PHLPP1: variants seen among roughly 807,000 people sequenced by gnomAD.
The protein encoded by PHLPP1 is PH domain leucine-rich repeat-containing protein phosphatase 1.
In PHLPP1, 42 loss-of-function variants were observed where a neutral mutation model predicts 117.2. The observed-to-expected ratio is 0.36, with a 90% CI of 0.28 to 0.46. The LOEUF (loss-of-function observed/expected upper bound fraction) is 0.46, where lower values mean the gene tolerates loss of function less well. PHLPP1 is among the 20% of genes least tolerant of loss of function. The pLI is 1.00. For missense variants in PHLPP1, 2,084 were observed against 2,241.9 expected, an observed-to-expected ratio of 0.93 and a Z score of 1.42; for synonymous variants, 1,042 against 970.7, an observed-to-expected ratio of 1.07 and a Z score of -1.37.
At chr18:62,785,413 C>T (rs1913251527) in intron 1 of PHLPP1, among the ~76,000 whole-genome samples, 1 of 152,066 alleles carries the variant, frequency 6.6e-6, no homozygotes, top group Non-Finnish European at 1.5e-5. Flanking sequence ...CAAAGCAGTA[C>T]CTTGGGACTG....
chr18:62,924,784 G>A (rs998508096), intron 10 of PHLPP1, among the ~76,000 whole-genome samples: 1 of 149,194 alleles, frequency 6.7e-6, no homozygotes, highest in Non-Finnish European at 1.5e-5. Flanking sequence ...GCTGCCGTGA[G>A]CTCTGATCAC....
chr18:62,944,356 A>G (rs574893535), intron 11 of PHLPP1, among the ~76,000 whole-genome samples: 1 of 152,360 alleles, frequency 6.6e-6, no homozygotes, highest in South Asian at 2.1e-4. Flanking sequence ...TATTGTAATT[A>G]TTGATGAAGA....
intron 1 of PHLPP1, among the ~76,000 whole-genome samples, chr18:62,791,329 G>A (rs1243666262): frequency 6.6e-6 from 1 of 152,106 alleles, no homozygotes; most frequent in Non-Finnish European, 1.5e-5. Context: ...TGACAGCACT[G>A]TGTAGCCACA....
intron 3 of PHLPP1, chr18:62,839,430 C>CTTT (rs1197921582): frequency 6.6e-6 from 1 of 152,580 alleles, no homozygotes; most frequent in African/African-American, 2.4e-5. Flanking sequence ...ATATATAGTA[C>CTTT]TTTTGGCCAG....
At chr18:62,926,323 TC>T (rs2144433403) in intron 10 of PHLPP1, among the ~76,000 whole-genome samples, 1 of 152,236 alleles carries the variant, frequency 6.6e-6, no homozygotes. Flanking sequence ...GGTGGCAAAC[TC>T]CATTTTTCTT....
intron 1 of PHLPP1, among the ~76,000 whole-genome samples, chr18:62,789,506 T>C (rs1222876390): frequency 1.3e-5 from 2 of 152,150 alleles, no homozygotes; most frequent in African/African-American, 4.8e-5. Flanking sequence ...TTTAAAAATA[T>C]TGTTTGCAGA....
intron 1 of PHLPP1, among the ~76,000 whole-genome samples, chr18:62,824,837 A>T (rs1848041657): frequency 6.6e-6 from 1 of 152,156 alleles, no homozygotes; most frequent in African/African-American, 2.4e-5. Context: ...AGGCACACAA[A>T]GTATATTGCT....
chr18:62,768,002 A>G (rs1912610040), intron 1 of PHLPP1, among the ~76,000 whole-genome samples: 1 of 152,236 alleles, frequency 6.6e-6, no homozygotes, highest in Non-Finnish European at 1.5e-5. Flanking sequence ...CGTGAGGCTC[A>G]AGTCATCTTA....
intron 10 of PHLPP1, among the ~76,000 whole-genome samples, chr18:62,935,005 C>T (rs1909928527): frequency 6.6e-6 from 1 of 152,170 alleles, no homozygotes; most frequent in East Asian, 1.9e-4. Flanking sequence ...CACTCTTATT[C>T]AATATTATAT....
intron 1 of PHLPP1, among the ~76,000 whole-genome samples, chr18:62,764,426 A>G (rs942306651): frequency 1.3e-5 from 2 of 151,892 alleles, no homozygotes; most frequent in Non-Finnish European, 2.9e-5. Context: ...TGGGGATGAA[A>G]TGAAATTGGG....
At chr18:62,956,004 C>T (rs1394863363) in intron 12 of PHLPP1, among the ~76,000 whole-genome samples, 2 of 152,066 alleles carry the variant, frequency 1.3e-5, no homozygotes, top group East Asian at 1.9e-4. Flanking sequence ...CTCTGGTTGA[C>T]TGTTGATGTA....
At chr18:62,764,867 A>G (rs891941758) in intron 1 of PHLPP1, among the ~76,000 whole-genome samples, 1 of 152,216 alleles carries the variant, frequency 6.6e-6, no homozygotes, top group Non-Finnish European at 1.5e-5. Flanking sequence ...AGTTGACACA[A>G]GTGATCATCT....
intron 1 of PHLPP1, among the ~76,000 whole-genome samples, chr18:62,722,395 A>C (rs1219307824): frequency 2.0e-5 from 3 of 152,198 alleles, no homozygotes; most frequent in African/African-American, 7.2e-5. Context: ...GAGATCCTGA[A>C]GCCGCTCAAT....
intron 10 of PHLPP1, 63 bp downstream of exon 10, chr18:62,920,177 C>T (rs1909420257): frequency 7.1e-7 from 1 of 1,411,074 alleles, no homozygotes; most frequent in Admixed American, 1.8e-5. Flanking sequence ...GTATCTTTGT[C>T]TTTCGTGACC....
chr18:62,953,055 A>C (rs964306634), intron 12 of PHLPP1, among the ~76,000 whole-genome samples: 2 of 152,226 alleles, frequency 1.3e-5, no homozygotes, highest in Non-Finnish European at 2.9e-5. Flanking sequence ...CACGTTAGTG[A>C]TCACTTAGCC....
At chr18:62,975,677 C>G in intron 16 of PHLPP1, 52 bp downstream of exon 16, 3 of 1,224,730 alleles carry the variant, frequency 2.4e-6, no homozygotes, top group Non-Finnish European at 3.6e-6. Flanking sequence ...GGAGAGGAGA[C>G]CAGGTCATAG....
intron 1 of PHLPP1, among the ~76,000 whole-genome samples, chr18:62,801,070 T>C (rs1913768806): frequency 9.7e-6 from 1 of 103,448 alleles, no homozygotes; most frequent in African/African-American, 3.8e-5. Context: ...CCTCCCTCCT[T>C]CCCTTTCTTG....
At chr18:62,942,823 G>T (rs1027909321) in intron 11 of PHLPP1, among the ~76,000 whole-genome samples, 1 of 152,022 alleles carries the variant, frequency 6.6e-6, no homozygotes, top group Non-Finnish European at 1.5e-5. Context: ...CTGCCTTCAG[G>T]GCTACCAGTC....
In PHLPP1 at chr18:62,716,172, C is replaced by G; in HGVS notation, c.489C>G (p.Ala163=). 6.6e-7 allele frequency: 1 copy of G among 1,519,906 alleles called. No individual in the cohort carries two copies. Among genetic ancestry groups the G allele is most frequent in the Non-Finnish European group, 8.8e-7 (1 of 1,139,842 alleles). The allele number at this position is 1,519,906 out of a possible 1,614,324, so 94.2% of individuals were successfully genotyped here. The stretch of plus-strand genomic sequence containing the variant: ...CCGGCCTCCCCGCCTCCTGCTCGGC[C>G]TCGGCGTCGCTGTGCACCCGGAGCC... The part of the protein sequence containing the change: ...GAAGLPASCS[A]SASLCTRSLD... The change falls in exon 1 of 17, where the codon GCC becomes GCG. Residue 163 remains alanine (A), a synonymous_variant. Transcript: ENST00000262719. The surrounding 1 kb of genome is among the most constrained non-coding windows in gnomAD (Gnocchi z 5.7).
Sources: gnomAD v4.1 joint callset for allele counts (sites outside exome capture counted in the v4.1 genomes callset) on GRCh38, gnomAD v4.1.1 for gene constraint, Gnocchi (gnomAD v3.1) non-coding constraint, MANE v1.5 for transcripts, NCBI Gene and HGNC (gene_info 2026-07-23, HGNC 2026-07-21) for gene names.